Variants in TUSC3 observed in about 807,000 individuals in gnomAD.
The protein encoded by TUSC3 is dolichyl-diphosphooligosaccharide--protein glycosyltransferase subunit TUSC3.
A neutral mutation model predicts 44.8 loss-of-function variants in TUSC3; 45 were observed. The observed-to-expected ratio is 1.00, with a 90% confidence interval of 0.79 to 1.29. The LOEUF (loss-of-function observed/expected upper bound fraction) is 1.29, where lower values mean the gene tolerates loss of function less well. TUSC3 is among the 50% of genes most tolerant of loss of function. The pLI, the probability that TUSC3 is intolerant of heterozygous loss-of-function variation, is 0.00. For synonymous variants in TUSC3, 212 were observed against 152.9 expected (o/e 1.39, Z -2.85); for missense variants, 519 against 437.9 (o/e 1.19, Z -1.65).
At chr8:15,585,343 T>G (rs993796412) in intron 1 of TUSC3, among the ~76,000 whole-genome samples, 18 of 152,168 alleles carry the variant, frequency 1.2e-4, no homozygotes, top group African/African-American at 3.9e-4. Flanking sequence ...CACCACAATG[T>G]AGCAGTTTCT....
In TUSC3 at chr8:15,694,408, C is replaced by T. The variant is rs183495684; in HGVS notation, c.798+20572C>T. 1.3e-3 allele frequency among the ~76,000 whole-genome samples: 162 copies of T among 129,308 alleles called. 1 individual carries two copies. The Middle Eastern group carries it at 0.018, about 14-fold the overall frequency. 84.8% of individuals were successfully genotyped at this position (129,308 alleles called of 152,430 possible). ...CCGAGATCACGCCATTGCACTCCAG[C>T]GTGAGCAACAAGACGGAAACTCCAT... On this transcript the variant is annotated intron_variant, in intron 6 of 10. Coordinates refer to ENST00000503731, the MANE Select transcript of TUSC3 (RefSeq NM_006765.4).
intron 5 of TUSC3, among the ~76,000 whole-genome samples, chr8:15,672,914 C>T (rs931965186): frequency 5.9e-5 from 9 of 152,100 alleles, no homozygotes; most frequent in African/African-American, 2.2e-4. Flanking sequence ...AGCCAGGAAG[C>T]TGAAGTAAGG....
chr8:15,521,200 G>C (rs1249660847), intron 2 of TUSC3, among the ~76,000 whole-genome samples: 2 of 152,148 alleles, frequency 1.3e-5, no homozygotes, highest in Non-Finnish European at 2.9e-5. Flanking sequence ...TAATGGAACT[G>C]TTTTCCTTGG....
At chr8:15,427,483 G>A (rs1799818020) in intron 1 of TUSC3, among the ~76,000 whole-genome samples, 1 of 152,114 alleles carries the variant, frequency 6.6e-6, no homozygotes, top group Non-Finnish European at 1.5e-5. Flanking sequence ...TCTCAGGGGT[G>A]TAGAGAGCTA....
the TUSC3 span, among the ~76,000 whole-genome samples, chr8:15,772,412 A>G: frequency 1.3e-5 from 2 of 151,350 alleles, no homozygotes; most frequent in Admixed American, 6.6e-5. Context: ...ACCAAAAGTT[A>G]AATAACCTAA....
intron 1 of TUSC3, among the ~76,000 whole-genome samples, chr8:15,570,927 CTTTGCTTTCTA>C (rs1045956356): frequency 9.0e-6 from 1 of 111,134 alleles, no homozygotes. Flanking sequence ...ATTTTGCAAA[CTTTGCTTTCTA>C]TTCCATTGCC....
At chr8:15,465,505 A>G (rs1033089771) in intron 1 of TUSC3, among the ~76,000 whole-genome samples, 1 of 152,200 alleles carries the variant, frequency 6.6e-6, no homozygotes, top group African/African-American at 2.4e-5. Flanking sequence ...ATTGATTTTA[A>G]AAAATGCAAA....
At chr8:15,674,439 ATTAGGATAG>A (rs1371111332) in intron 6 of TUSC3, among the ~76,000 whole-genome samples, 3 of 152,020 alleles carry the variant, frequency 2.0e-5, no homozygotes, top group African/African-American at 7.2e-5. Context: ...TTGAGACAGT[ATTAGGATAG>A]TGAAGATGAA....
chr8:15,569,380 CAGAG>C (rs1201372180), intron 1 of TUSC3, among the ~76,000 whole-genome samples: 1 of 151,922 alleles, frequency 6.6e-6, no homozygotes, highest in Non-Finnish European at 1.5e-5. Context: ...AGGTGATAAT[CAGAG>C]AGTTTCCTCG....
intron 2 of TUSC3, among the ~76,000 whole-genome samples, chr8:15,630,129 G>A (rs547533460): frequency 1.3e-5 from 2 of 152,146 alleles, no homozygotes; most frequent in Non-Finnish European, 2.9e-5. Context: ...CAAAATCTAA[G>A]TACGAAATAT....
At chr8:15,747,298 A>C (rs982452401) in intron 8 of TUSC3, among the ~76,000 whole-genome samples, 7 of 151,870 alleles carry the variant, frequency 4.6e-5, no homozygotes, top group Non-Finnish European at 8.8e-5. Flanking sequence ...ATCTTTCTCT[A>C]TTTTACAAAT....
the TUSC3 span, among the ~76,000 whole-genome samples, chr8:15,815,451 A>G: frequency 0.031 from 4,700 of 152,274 alleles, 252 homozygotes; most frequent in African/African-American, 0.11. Flanking sequence ...ATGTGCTTTC[A>G]TTGAATACAG....
chr8:15,611,247 C>T (rs909606790), intron 1 of TUSC3, among the ~76,000 whole-genome samples: 7 of 152,150 alleles, frequency 4.6e-5, no homozygotes, highest in African/African-American at 7.2e-5. Flanking sequence ...AGGGCAATGG[C>T]GTGATCTCGG....
chr8:15,533,846 C>A (rs145080560), intron 2 of TUSC3, among the ~76,000 whole-genome samples: 1 of 152,168 alleles, frequency 6.6e-6, no homozygotes, highest in Admixed American at 6.5e-5. Flanking sequence ...TGACATCTCT[C>A]CAGTCAGTGG....
At chr8:15,840,524 T>C in the TUSC3 span, among the ~76,000 whole-genome samples, 2 of 152,130 alleles carry the variant, frequency 1.3e-5, no homozygotes, top group African/African-American at 4.8e-5. Flanking sequence ...TGAAATTATT[T>C]TAAAATGTCA....
intron 7 of TUSC3, among the ~76,000 whole-genome samples, chr8:15,734,028 G>A (rs7014122): frequency 0.06 from 9,141 of 152,248 alleles, 907 homozygotes; most frequent in African/African-American, 0.2. Flanking sequence ...GGGCGATAGA[G>A]TGAGACCCCG....
chr8:15,650,076 C>G (rs112655298), intron 2 of TUSC3, among the ~76,000 whole-genome samples: 1,898 of 152,122 alleles, frequency 0.012, 23 homozygotes, highest in Non-Finnish European at 0.021. Flanking sequence ...AAAGTAGAAA[C>G]AAATATCATC....
In TUSC3 at chr8:15,642,402, A is replaced by G. The variant is rs549704704; in HGVS notation, c.309-8295A>G. Among the ~76,000 whole-genome samples, 51 of 152,354 alleles carry G rather than the reference A, an allele frequency of 3.3e-4. 2 individuals carry two copies. The South Asian group carries it at 9.9e-3, about 30-fold the overall frequency. On this transcript the variant is annotated intron_variant, in intron 2 of 10. Coordinates refer to ENST00000503731, the MANE Select transcript of TUSC3 (RefSeq NM_006765.4). ...AAAAGTTAAAAAAATGAAGATAAAT[A>G]TGAATAAATATACGAAAGGGTTCCT... is the stretch of plus-strand genomic sequence containing the variant.
chr8:15,499,796 C>T (rs370437285), intron 2 of TUSC3, among the ~76,000 whole-genome samples: 1 of 152,050 alleles, frequency 6.6e-6, no homozygotes, highest in Non-Finnish European at 1.5e-5. Flanking sequence ...GTTCTTTTTC[C>T]TCCCTGCAGC....
Sources: allele counts gnomAD v4.1 joint callset (sites outside exome capture counted in the v4.1 genomes callset), GRCh38; gene constraint gnomAD v4.1.1; transcripts MANE v1.5; gene names NCBI Gene and HGNC (gene_info 2026-07-23, HGNC 2026-07-21).